The following ZFHX3 variants were observed in gnomAD, a reference collection of about 807,000 sequenced individuals.
ZFHX3 encodes the protein zinc finger homeobox 3, also known as zinc finger homeobox protein 3.
Under a neutral mutation model 279.1 loss-of-function variants are expected in ZFHX3, and 42 were observed. The observed-to-expected ratio is 0.15, with a 90% CI of 0.12 to 0.19. The LOEUF (loss-of-function observed/expected upper bound fraction) is 0.19, where lower values mean the gene tolerates loss of function less well. ZFHX3 is among the 10% of genes least tolerant of loss of function. The probability of loss-of-function intolerance (pLI) is 1.00; values close to 1 mark genes in which losing one functional copy is unlikely to be tolerated. For synonymous variants in ZFHX3, 2,293 were observed against 1,957.8 expected, an observed-to-expected ratio of 1.17 and a Z score of -4.52; for missense variants, 4,981 against 4,754.0, an observed-to-expected ratio of 1.05 and a Z score of -1.40.
intron 4 of ZFHX3, among the ~76,000 whole-genome samples, chr16:72,834,265 A>C (rs1185150363): frequency 1.3e-5 from 2 of 152,192 alleles, no homozygotes; most frequent in East Asian, 3.9e-4. Context: ...AAACAAAACA[A>C]AACTCTTTCC....
At chr16:73,654,642 T>C (rs2052704427) in intron 2 of ZFHX3, among the ~76,000 whole-genome samples, 2 of 152,044 alleles carry the variant, frequency 1.3e-5, no homozygotes, top group Admixed American at 6.6e-5. Flanking sequence ...AACCAAATTA[T>C]TGTTGTATGC....
At chr16:72,882,474 G>A (rs3812982) in intron 4 of ZFHX3, among the ~76,000 whole-genome samples, 15 of 152,042 alleles carry the variant, frequency 9.9e-5, no homozygotes, top group Admixed American at 2.6e-4. Context: ...GAGTGAATAC[G>A]AATCACTGCA....
At chr16:73,337,820 T>A (rs2015942994) in intron 3 of ZFHX3, among the ~76,000 whole-genome samples, 1 of 149,432 alleles carries the variant, frequency 6.7e-6, no homozygotes, top group Non-Finnish European at 1.5e-5. Flanking sequence ...ATCCCTCTCT[T>A]TTTAAACTTT....
intron 1 of ZFHX3, among the ~76,000 whole-genome samples, chr16:73,766,768 C>T (rs2053949577): frequency 6.6e-6 from 1 of 152,044 alleles, no homozygotes; most frequent in African/African-American, 2.4e-5. Context: ...GGAGTTGTCG[C>T]CACTCACTGT....
intron 1 of ZFHX3, among the ~76,000 whole-genome samples, chr16:73,887,602 T>C (rs2030389446): frequency 6.6e-6 from 1 of 152,084 alleles, no homozygotes; most frequent in Admixed American, 6.5e-5. Context: ...ATGAAGTGAA[T>C]GCTTCTTTAG....
chr16:73,503,460 G>A (rs865990138), intron 2 of ZFHX3, among the ~76,000 whole-genome samples: 103 of 152,274 alleles, frequency 6.8e-4, no homozygotes, highest in African/African-American at 2.2e-3. Flanking sequence ...AAAAGGAGTT[G>A]ACCGCACGTG....
chr16:72,897,810 G>A (rs764171808), intron 3 of ZFHX3, among the ~76,000 whole-genome samples: 7 of 152,094 alleles, frequency 4.6e-5, no homozygotes, highest in Non-Finnish European at 1.0e-4. Flanking sequence ...ATCCTTGGAG[G>A]AGCCCAAAGC....
At chr16:73,822,597 CATAG>C (rs971639013) in intron 1 of ZFHX3, among the ~76,000 whole-genome samples, 3 of 152,044 alleles carry the variant, frequency 2.0e-5, no homozygotes, top group African/African-American at 7.2e-5. Context: ...TTCTGCTCGG[CATAG>C]ATACTGAAGG....
At chr16:73,159,352 T>TCACAGAC (rs1203343051) in intron 5 of ZFHX3, among the ~76,000 whole-genome samples, 2 of 152,188 alleles carry the variant, frequency 1.3e-5, no homozygotes, top group African/African-American at 4.8e-5. Flanking sequence ...TGGTGCCCTC[T>TCACAGAC]CACAGACTCT....
intron 3 of ZFHX3, among the ~76,000 whole-genome samples, chr16:73,386,176 C>T (rs894455175): frequency 4.7e-5 from 7 of 149,820 alleles, no homozygotes; most frequent in Admixed American, 3.3e-4. Flanking sequence ...CTCTTTCTCT[C>T]TCTGTTTCTC....
At chr16:73,386,462 A>G (rs1241745625) in intron 3 of ZFHX3, among the ~76,000 whole-genome samples, 1 of 152,218 alleles carries the variant, frequency 6.6e-6, no homozygotes, top group African/African-American at 2.4e-5. Flanking sequence ...GAGATGAGAT[A>G]AGGCATATAG....
At chr16:72,808,252 T>C (rs2036330748) in intron 7 of ZFHX3, 1 of 152,196 alleles carries the variant, frequency 6.6e-6, no homozygotes, top group African/African-American at 2.4e-5. Context: ...AGAGCAGAGA[T>C]CAAGATCATC....
intron 5 of ZFHX3, among the ~76,000 whole-genome samples, chr16:73,149,069 G>T (rs1176597950): frequency 6.7e-6 from 1 of 148,326 alleles, no homozygotes; most frequent in Non-Finnish European, 1.5e-5. Context: ...TTAAAATAGG[G>T]CCTGGCTCAT....
chr16:73,173,356 G>A (rs1489253407), intron 5 of ZFHX3, among the ~76,000 whole-genome samples: 1 of 151,872 alleles, frequency 6.6e-6, no homozygotes, highest in African/African-American at 2.4e-5. Context: ...GCATTAGCAG[G>A]TATTTTCCCC....
chr16:73,252,118 C>T (rs1179381932), intron 5 of ZFHX3, among the ~76,000 whole-genome samples: 4 of 152,092 alleles, frequency 2.6e-5, no homozygotes, highest in African/African-American at 9.7e-5. Flanking sequence ...GGCAGTTTAG[C>T]TGGGAAGAGA....
intron 4 of ZFHX3, among the ~76,000 whole-genome samples, chr16:73,264,484 C>G (rs1030021599): frequency 2.6e-5 from 4 of 152,100 alleles, no homozygotes; most frequent in African/African-American, 9.7e-5. Context: ...TGATGAATGC[C>G]CCAAGATTTT....
At chr16:73,188,073 G>A (rs529170682) in intron 5 of ZFHX3, among the ~76,000 whole-genome samples, 25 of 152,302 alleles carry the variant, frequency 1.6e-4, no homozygotes, top group African/African-American at 3.1e-4. Context: ...CTGTTAGCCA[G>A]GATGGTCTTG....
chr16:73,255,907 C>T (rs541834405), intron 5 of ZFHX3, among the ~76,000 whole-genome samples: 105 of 152,262 alleles, frequency 6.9e-4, no homozygotes, highest in Non-Finnish European at 1.3e-3. Flanking sequence ...CTGGGCATGG[C>T]CCCTTCTCTC....
chr16:73,851,003 T>C (rs1877353), intron 1 of ZFHX3, among the ~76,000 whole-genome samples: 3,263 of 152,242 alleles, frequency 0.021, 59 homozygotes, highest in South Asian at 0.077. Context: ...TTATCCTTTT[T>C]TTCCCCCTCC....
Sources: gnomAD v4.1 joint callset for allele counts (sites outside exome capture counted in the v4.1 genomes callset) on GRCh38, gnomAD v4.1.1 for gene constraint, MANE v1.5 for transcripts, NCBI Gene and HGNC (gene_info 2026-07-23, HGNC 2026-07-21) for gene names.